Variants in NEB observed in about 807,000 individuals in gnomAD.
NEB encodes the protein nebulin.
In NEB, 512 loss-of-function variants were observed where a neutral mutation model predicts 952.2. That is an observed-to-expected ratio of 0.54 (90% CI 0.50 to 0.58). The LOEUF (loss-of-function observed/expected upper bound fraction) is 0.58. Among genes scored for constraint, NEB ranks in the 20% least tolerant of loss-of-function variants. NEB has a pLI of 0.00. For missense variants in NEB, 8,428 were observed against 9,231.1 expected (o/e 0.91, Z 3.56); for synonymous variants, 2,900 against 3,149.8 (o/e 0.92, Z 2.66).
At chr2:151,554,055 A>T in intron 125 of NEB, 30 bp from the exon 126 acceptor site, 1 of 1,607,624 alleles carries the variant, frequency 6.2e-7, no homozygotes. Flanking sequence ...TGCCAGTTAT[A>T]CAGGAAATTG....
At chr2:151,566,531 G>A (rs1034826342) in intron 114 of NEB, among the ~76,000 whole-genome samples, 8 of 152,160 alleles carry the variant, frequency 5.3e-5, no homozygotes, top group Non-Finnish European at 2.9e-5. Flanking sequence ...GGGCACCTAA[G>A]CAACTAAGTT....
Position 151,562,294 on chromosome 2 carries a change from T to C in NEB, c.18892-80A>G, listed in dbSNP as rs961737166. 5 of 1,213,320 alleles carry C rather than the reference T, an allele frequency of 4.1e-6. No individual in the cohort carries two copies. The African/African-American group carries it at 6.0e-5, about 14-fold the overall frequency. The allele number at this position is 1,213,320 out of a possible 1,614,324, so 75.2% of individuals were successfully genotyped here. A position where few individuals can be genotyped will look rare whatever the true frequency, so the allele number is the denominator to read the frequency against. ...GCATTTGATAATTTCCTATCAGCTGTTGGCTGTGCTTATTGCTTAGAAGAC... is the reference window on the plus strand; with the variant it reads ...GCATTTGATAATTTCCTATCAGCTGCTGGCTGTGCTTATTGCTTAGAAGAC... On this transcript the variant is annotated intron_variant, in intron 120 of 181. Coordinates refer to ENST00000397345, the MANE Select transcript of NEB (RefSeq NM_001164508.2).
At chr2:151,616,644 A>T (rs1338560080) in intron 75 of NEB, among the ~76,000 whole-genome samples, 1 of 152,212 alleles carries the variant, frequency 6.6e-6, no homozygotes, top group Non-Finnish European at 1.5e-5. Context: ...CAGTGAACCA[A>T]AATTGTGCCA....
rs200351671 is a variant in NEB at position 151,630,819 on chromosome 2, G to A, written c.9619C>T (p.Arg3207Cys). 33 of 1,577,402 alleles carry A rather than the reference G, an allele frequency of 2.1e-5. No homozygotes were observed. The highest frequency in any genetic ancestry group is 6.8e-5 in the African/African-American group (5 of 73,454). The change falls in exon 67 of 182, where the codon CGT becomes TGT. Residue 3207 changes from arginine (R) to cysteine (C), a missense_variant and splice_region_variant. By Grantham distance (180) the Arg-to-Cys change is radical. Around this residue, in one of 11 missense-constraint regions of NEB, gnomAD observed 1,772 missense variants for 1,960.3 expected, o/e 0.90. Transcript: ENST00000397345. Reference sequence around the variant, plus strand: ...TTGTCCCAGGCCTCTGTGTATAAACGCTATAAAAGAAGATAAGATGCTGAT... The same window carrying A: ...TTGTCCCAGGCCTCTGTGTATAAACACTATAAAAGAAGATAAGATGCTGAT... The part of the protein sequence containing the change: ...AKNNALNMNK[R>C]LYTEAWDKDK...
intron 178 of NEB, 25 bp downstream of exon 178, chr2:151,492,073 C>T: frequency 6.2e-7 from 1 of 1,610,972 alleles, no homozygotes; most frequent in Non-Finnish European, 8.5e-7. Context: ...AAGTTAATCC[C>T]CTCCCCCAAC....
Position 151,656,164 on chromosome 2 carries a change from T to C in NEB, c.6484A>G (p.Ile2162Val), listed in dbSNP as rs2099083986. ...GAAGAAAGCCTTACATCACTCTGTA[T>C]GCGATTCATATTCCTGGTCAGCTCA... Reference protein sequence around the residue: ...NIELTRNMNRIQSDNEYKQDY... With the variant: ...NIELTRNMNRVQSDNEYKQDY... The change falls in exon 49 of 182, where the codon ATA becomes GTA. Residue 2162 changes from isoleucine to valine, a missense_variant. By Grantham distance (29) the Ile-to-Val change is conservative (BLOSUM62 3). This residue lies in a region of NEB where 2,851 missense variants were observed against 2,791.5 expected (regional missense o/e 1.02). Transcript: ENST00000397345. 6.3e-7 allele frequency: 1 copy of C among 1,592,518 alleles called. No homozygotes were observed. Among genetic ancestry groups the C allele is most frequent in the East Asian group, 2.2e-5 (1 of 44,706 alleles).
chr2:151,690,557 A>T, intron 24 of NEB, 170 bp downstream of exon 24: 1 of 596,994 alleles, frequency 1.7e-6, no homozygotes, highest in Non-Finnish European at 3.0e-6. Context: ...AACTTTCCTC[A>T]GGCTGCAATT....
intron 144 of NEB, among the ~76,000 whole-genome samples, 193 bp from the exon 145 acceptor site, chr2:151,531,294 CT>C (rs1284262201): frequency 6.8e-6 from 1 of 147,280 alleles, no homozygotes; most frequent in Non-Finnish European, 1.5e-5. Flanking sequence ...CACAACAACT[CT>C]CTTTTTTTCT....
intron 124 of NEB, among the ~76,000 whole-genome samples, chr2:151,557,441 A>G (rs1367208680): frequency 2.6e-5 from 4 of 152,190 alleles, no homozygotes; most frequent in African/African-American, 9.7e-5. Flanking sequence ...CCAGAGGTAC[A>G]AGGAGGAGCT....
At chr2:151,637,987 C>T (rs2098793751) in intron 63 of NEB, among the ~76,000 whole-genome samples, 1 of 152,134 alleles carries the variant, frequency 6.6e-6, no homozygotes, top group Admixed American at 6.5e-5. Flanking sequence ...TTGCTGGTGG[C>T]ACAAAGCCAG....
chr2:151,631,187 G>A lies in NEB; in HGVS notation c.9574C>T (p.Leu3192=). 1 of 1,613,928 alleles carries A rather than the reference G, an allele frequency of 6.2e-7. No individual in the cohort carries two copies. The highest frequency in any genetic ancestry group is 8.5e-7 in the Non-Finnish European group (1 of 1,179,850). The change falls in exon 66 of 182, where the codon CTA becomes TTA. Residue 3192 remains leucine (L), a synonymous_variant. Coordinates refer to ENST00000397345, the MANE Select transcript of NEB (RefSeq NM_001164508.2). ...TTGTTCTTGGCCAGCACCTGCTCTA[G>A]AGAATCAGTCACACTGGTAAATTTC... ...KLKFTSVTDS[L]EQVLAKNNAL...
chr2:151,515,698 A>T (rs1440473633), intron 157 of NEB, among the ~76,000 whole-genome samples: 1 of 152,186 alleles, frequency 6.6e-6, no homozygotes, highest in African/African-American at 2.4e-5. Flanking sequence ...TTTTAATAGA[A>T]TTTTAAATTT....
At chr2:151,543,678 G>T (rs2094373407) in intron 135 of NEB, among the ~76,000 whole-genome samples, 1 of 151,960 alleles carries the variant, frequency 6.6e-6, no homozygotes, top group Non-Finnish European at 1.5e-5. Context: ...TTAGAGACGG[G>T]GTCTCACTAT....
intron 4 of NEB, among the ~76,000 whole-genome samples, chr2:151,729,272 C>T (rs1294185676): frequency 6.6e-6 from 1 of 152,150 alleles, no homozygotes. Context: ...AAAGCCAAGG[C>T]TCCTTGGCTT....
intron 143 of NEB, 141 bp from the exon 144 acceptor site, chr2:151,532,037 T>G: frequency 1.6e-6 from 1 of 606,528 alleles, no homozygotes; most frequent in Non-Finnish European, 2.9e-6. Flanking sequence ...TTACTATAAA[T>G]TTGTGTCTGA....
chr2:151,531,755 T>G, intron 144 of NEB, 37 bp downstream of exon 144: 4 of 1,477,914 alleles, frequency 2.7e-6, no homozygotes, highest in Non-Finnish European at 3.8e-6. Context: ...AGATGCCCCC[T>G]GAGTTTGAGA....
chr2:151,724,317 A>C lies in NEB; in HGVS notation c.555T>G (p.Leu185=). ...NWEDTKDKYL[L]PPDAPELVQA... ...GGACAAGTTCAGGGGCATCAGGAGGAAGCAGGTACTTATCCTTGGTGTCTT... is the reference window on the plus strand; with the variant it reads ...GGACAAGTTCAGGGGCATCAGGAGGCAGCAGGTACTTATCCTTGGTGTCTT... The change falls in exon 8 of 182, where the codon CTT becomes CTG. Residue 185 remains leucine, a synonymous_variant. Transcript: ENST00000397345. 3 of 1,613,132 alleles carry C rather than the reference A, an allele frequency of 1.9e-6. No individual in the cohort carries two copies. The highest frequency in any genetic ancestry group is 2.5e-6 in the Non-Finnish European group (3 of 1,179,604).
At chr2:151,732,012 G>A (rs2099810412) in intron 3 of NEB, among the ~76,000 whole-genome samples, 1 of 152,006 alleles carries the variant, frequency 6.6e-6, no homozygotes, top group Non-Finnish European at 1.5e-5. Flanking sequence ...TTTATTTGTA[G>A]AATAAATAAA....
intron 65 of NEB, among the ~76,000 whole-genome samples, chr2:151,632,608 G>A (rs1264985779): frequency 1.3e-5 from 2 of 150,062 alleles, no homozygotes; most frequent in South Asian, 2.1e-4. Flanking sequence ...CCCGGGAGGC[G>A]AAGGTTGCAG....
Sources: gnomAD v4.1 joint callset for allele counts (sites outside exome capture counted in the v4.1 genomes callset) on GRCh38, gnomAD v4.1.1 for gene constraint, gnomAD v4.1.1 regional missense constraint, MANE v1.5 for transcripts, NCBI Gene and HGNC (gene_info 2026-07-23, HGNC 2026-07-21) for gene names.